The following CDH23 variants were observed in gnomAD, a reference collection of about 807,000 sequenced individuals.
CDH23 encodes the protein cadherin related 23, also known as cadherin-23.
Under a neutral mutation model 317.1 loss-of-function variants are expected in CDH23, and 189 were observed. That is an observed-to-expected ratio of 0.60 (90% CI 0.53 to 0.67). CDH23 has a LOEUF of 0.67. Among genes scored for constraint, CDH23 ranks in the 30% least tolerant of loss-of-function variants. The probability of loss-of-function intolerance (pLI) is 0.00; values close to 1 mark genes in which losing one functional copy is unlikely to be tolerated. For synonymous variants in CDH23, 1,839 were observed against 1,876.8 expected, an observed-to-expected ratio of 0.98 and a Z score of 0.52; for missense variants, 4,401 against 4,592.4, an observed-to-expected ratio of 0.96 and a Z score of 1.20.
intron 3 of CDH23, among the ~76,000 whole-genome samples, chr10:71,491,700 G>A (rs911662217): frequency 2.0e-5 from 3 of 152,200 alleles, no homozygotes; most frequent in African/African-American, 7.2e-5. Flanking sequence ...GGCAGATGGG[G>A]GAGACACACA....
intron 19 of CDH23, among the ~76,000 whole-genome samples, chr10:71,689,092 C>T (rs71507049): frequency 0.16 from 4,643 of 29,052 alleles, 6 homozygotes; most frequent in African/African-American, 0.17. Context: ...GGTGGTGGAG[C>T]CAGGGGTGGT....
At chr10:71,709,967 G>GT (rs1268806294) in intron 27 of CDH23, among the ~76,000 whole-genome samples, 1 of 152,120 alleles carries the variant, frequency 6.6e-6, no homozygotes, top group Non-Finnish European at 1.5e-5. Context: ...AGACGCAAAA[G>GT]TAGAAACCCC....
At position 71,510,834 on chromosome 10, in the gene CDH23, G is replaced by C. The variant is rs1589149762; in HGVS notation, c.289-120G>C. On this transcript the variant is annotated intron_variant, in intron 4 of 69. Coordinates refer to ENST00000224721, the MANE Select transcript of CDH23 (RefSeq NM_022124.6). ...TGGTATTTTAGGGAAGCCTTTGGGT[G>C]CCTGGTTCCAGGCAAGCTCCTAGGG... The C allele has an allele frequency of 1.2e-5, 11 of 903,334 alleles. No individual in the cohort carries two copies. The East Asian group carries it at 2.7e-4, about 22-fold the overall frequency. 56.0% of individuals were successfully genotyped at this position (903,334 alleles called of 1,614,324 possible).
intron 38 of CDH23, among the ~76,000 whole-genome samples, chr10:71,774,035 G>A (rs1460602461): frequency 7.1e-6 from 1 of 141,678 alleles, no homozygotes; most frequent in Admixed American, 7.4e-5. Flanking sequence ...GAGGCACCCT[G>A]AGTGCATGCG....
intron 45 of CDH23, 91 bp from the exon 46 acceptor site, chr10:71,790,197 C>T (rs1435664678): frequency 5.9e-6 from 9 of 1,523,164 alleles, no homozygotes; most frequent in Middle Eastern, 1.9e-4. Flanking sequence ...TCTCATCCAT[C>T]GTCAGCCATG....
chr10:71,566,717 G>T (rs771715692), intron 6 of CDH23, 25 bp from the exon 7 acceptor site: 6 of 1,565,638 alleles, frequency 3.8e-6, no homozygotes, highest in African/African-American at 1.3e-5. Flanking sequence ...GCTCACCCTT[G>T]TACTTGCTTT....
chr10:71,725,307 A>G lies in CDH23; in HGVS notation c.3431-65A>G, dbSNP rs904668949. On this transcript the variant is annotated intron_variant, in intron 29 of 69. Transcript: ENST00000224721. ...GTGAACTTCTGCCCCCAACCATGGC[A>G]GGCCAGCACAGCAGGAGACTTCTGG... 3.7e-6 allele frequency: 6 copies of G among 1,608,644 alleles called. No individual in the cohort carries two copies. The African/African-American group carries it at 8.0e-5, about 21-fold the overall frequency.
At chr10:71,481,384 A>C (rs1447378923) in intron 3 of CDH23, among the ~76,000 whole-genome samples, 1 of 152,176 alleles carries the variant, frequency 6.6e-6, no homozygotes, top group Admixed American at 6.5e-5. Flanking sequence ...CTTGGGAGTC[A>C]GGAAATGGGG....
intron 9 of CDH23, among the ~76,000 whole-genome samples, chr10:71,579,129 G>C (rs556599426): frequency 6.6e-6 from 1 of 152,314 alleles, no homozygotes; most frequent in Admixed American, 6.5e-5. Flanking sequence ...TACCACGTAA[G>C]TGTTAGCTGT....
At chr10:71,471,015 G>T (rs1851479450) in intron 3 of CDH23, among the ~76,000 whole-genome samples, 2 of 152,128 alleles carry the variant, frequency 1.3e-5, no homozygotes, top group Non-Finnish European at 2.9e-5. Flanking sequence ...CTTATATACA[G>T]ATAAAGGACT....
At chr10:71,644,507 G>C (rs763456088) in intron 12 of CDH23, among the ~76,000 whole-genome samples, 1 of 152,228 alleles carries the variant, frequency 6.6e-6, no homozygotes, top group African/African-American at 2.4e-5. Context: ...TTCACTGGGG[G>C]TATCACTTCC....
rs1865581226 is a variant in CDH23, at chr10:71,701,461, G to A, written c.2398-561G>A. On this transcript the variant is annotated intron_variant, in intron 22 of 69. Coordinates refer to ENST00000224721, the MANE Select transcript of CDH23 (RefSeq NM_022124.6). Reference sequence around the variant, plus strand: ...AGCACTGACCCCTTCATGACGTGGGGGTTATAAGTGGGGAACCAGGCTGTA... The same window carrying A: ...AGCACTGACCCCTTCATGACGTGGGAGTTATAAGTGGGGAACCAGGCTGTA... Among the ~76,000 whole-genome samples, 5 of 152,132 alleles carry A rather than the reference G, an allele frequency of 3.3e-5. 1 individual carries two copies. Among genetic ancestry groups the A allele is most frequent in the Admixed American group, 3.3e-4 (5 of 15,286 alleles).
chr10:71,566,193 G>C (rs1362436874), intron 6 of CDH23, among the ~76,000 whole-genome samples: 3 of 152,156 alleles, frequency 2.0e-5, no homozygotes, highest in Admixed American at 2.0e-4. Flanking sequence ...GGCAGGACGT[G>C]AGCCTGCCCA....
chr10:71,508,033 C>T (rs772292191), intron 3 of CDH23: 2 of 152,248 alleles, frequency 1.3e-5, no homozygotes, highest in Non-Finnish European at 2.9e-5. Flanking sequence ...TCTCCCATCA[C>T]CTTGGATGCT....
chr10:71,707,068 C>A lies in CDH23; in HGVS notation c.3106+19C>A, dbSNP rs754381717. ...ATCACAGGTGCTGCCCCGGCCTCCGCCCACCTGTGCAGGCCTCCTGGGGCC... is the reference window on the plus strand; with the variant it reads ...ATCACAGGTGCTGCCCCGGCCTCCGACCACCTGTGCAGGCCTCCTGGGGCC... On this transcript the variant is annotated intron_variant, in intron 26 of 69. Transcript: ENST00000224721. The A allele has an allele frequency of 6.3e-7, 1 of 1,591,712 alleles. No individual in the cohort carries two copies. The highest frequency in any genetic ancestry group is 1.1e-5 in the South Asian group (1 of 87,716).
chr10:71,679,856 G>T (rs554328792), intron 17 of CDH23, among the ~76,000 whole-genome samples: 77 of 152,320 alleles, frequency 5.1e-4, no homozygotes, highest in Non-Finnish European at 1.0e-3. Context: ...TTTTTGGGCG[G>T]CCGTGTGGGA....
intron 3 of CDH23, among the ~76,000 whole-genome samples, chr10:71,503,338 T>A (rs1170476132): frequency 6.6e-6 from 1 of 152,190 alleles, no homozygotes; most frequent in Admixed American, 6.5e-5. Flanking sequence ...GTGCTACTGA[T>A]TTGGGTGTTA....
chr10:71,398,591 T>C (rs990279045), intron 1 of CDH23, among the ~76,000 whole-genome samples: 1 of 151,640 alleles, frequency 6.6e-6, no homozygotes, highest in Non-Finnish European at 1.5e-5. Flanking sequence ...CAGCCCACGA[T>C]GGGGAGAGCT....
chr10:71,614,020 A>G (rs1861049645), intron 9 of CDH23, among the ~76,000 whole-genome samples: 1 of 152,206 alleles, frequency 6.6e-6, no homozygotes, highest in Non-Finnish European at 1.5e-5. Context: ...TATTATCTGT[A>G]TTTTACAAGT....
Sources: allele counts gnomAD v4.1 joint callset (sites outside exome capture counted in the v4.1 genomes callset), GRCh38; gene constraint gnomAD v4.1.1; transcripts MANE v1.5; gene names NCBI Gene and HGNC (gene_info 2026-07-23, HGNC 2026-07-21).